The following OTOGL variants were observed in gnomAD, a reference collection of about 807,000 sequenced individuals.
The protein encoded by OTOGL is otogelin-like protein.
OTOGL carries 285 observed loss-of-function variants against 318.5 expected under a neutral mutation model. The observed-to-expected ratio is 0.89, with a 90% confidence interval of 0.81 to 0.99. OTOGL has a LOEUF of 0.99. OTOGL is among the 50% of genes least tolerant of loss of function. The probability of loss-of-function intolerance (pLI) is 0.00; values close to 1 mark genes in which losing one functional copy is unlikely to be tolerated. For missense variants in OTOGL, 2,899 were observed against 2,845.6 expected (o/e 1.02, Z -0.43); for synonymous variants, 987 against 936.5 (o/e 1.05, Z -0.99).
At chr12:80,207,480 C>A (rs1876899701) in intron 1 of OTOGL, among the ~76,000 whole-genome samples, 1 of 152,140 alleles carries the variant, frequency 6.6e-6, no homozygotes, top group South Asian at 2.1e-4. Flanking sequence ...GCTGGGATTA[C>A]AGGCCTGAGC....
At chr12:80,274,735 G>A (rs1405607238) in intron 24 of OTOGL, among the ~76,000 whole-genome samples, 2 of 151,960 alleles carry the variant, frequency 1.3e-5, no homozygotes, top group Admixed American at 6.6e-5. Flanking sequence ...TCTCTTGTTA[G>A]GGGCTAAGGC....
At chr12:80,305,114 C>A (rs1275194973) in intron 28 of OTOGL, among the ~76,000 whole-genome samples, 2 of 152,034 alleles carry the variant, frequency 1.3e-5, no homozygotes, top group Admixed American at 6.5e-5. Flanking sequence ...TATATTCCAA[C>A]AAGTAGGGAA....
At chr12:80,213,402 T>A (rs779771597) in intron 4 of OTOGL, among the ~76,000 whole-genome samples, 7 of 152,202 alleles carry the variant, frequency 4.6e-5, no homozygotes, top group Non-Finnish European at 8.8e-5. Context: ...CTTTATGACC[T>A]GTATCTTGTG....
intron 27 of OTOGL, 42 bp from the exon 28 acceptor site, chr12:80,302,592 A>T: frequency 1.6e-6 from 2 of 1,214,088 alleles, no homozygotes; most frequent in East Asian, 3.0e-5. Flanking sequence ...TTGGTTAGAG[A>T]ACTTACTACT....
chr12:80,196,098 G>A (rs930060706), intron 1 of OTOGL, among the ~76,000 whole-genome samples: 1 of 152,162 alleles, frequency 6.6e-6, no homozygotes, highest in African/African-American at 2.4e-5. Context: ...ATAAGTGAGT[G>A]GGGTCTGGAG....
chr12:80,254,553 C>T lies in OTOGL; in HGVS notation c.1424C>T (p.Thr475Ile). Residue 475 changes from threonine to isoleucine, a missense_variant, in exon 15 of 59, where the codon ACT becomes ATT. Thr to Ile is a moderately conservative substitution (Grantham distance 89). Transcript: ENST00000547103. The stretch of plus-strand genomic sequence containing the variant: ...TGTGTTGGTGGAGTTTGGAACTGCA[C>T]TGAGCAAGACTGTCCAGGTAATTTT... ...CVCVGGVWNCTEQDCPVQCSV... is the reference protein window; with the variant it reads ...CVCVGGVWNCIEQDCPVQCSV... The T allele has an allele frequency of 6.2e-7, 1 of 1,607,076 alleles. No individual in the cohort carries two copies. Among genetic ancestry groups the T allele is most frequent in the Non-Finnish European group, 8.5e-7 (1 of 1,175,296 alleles).
intron 1 of OTOGL, among the ~76,000 whole-genome samples, chr12:80,124,171 G>A (rs1172098241): frequency 1.3e-5 from 2 of 152,148 alleles, no homozygotes; most frequent in Non-Finnish European, 2.9e-5. Context: ...ATGGTTTTAT[G>A]TCTAACATTT....
At chr12:80,317,546 A>T (rs536111144) in intron 32 of OTOGL, among the ~76,000 whole-genome samples, 1 of 152,256 alleles carries the variant, frequency 6.6e-6, no homozygotes, top group Non-Finnish European at 1.5e-5. Flanking sequence ...CTCAAGTTGT[A>T]GTTGCATACA....
intron 38 of OTOGL, among the ~76,000 whole-genome samples, chr12:80,335,289 C>G (rs1246614974): frequency 2.0e-5 from 3 of 151,920 alleles, no homozygotes; most frequent in Non-Finnish European, 4.4e-5. Context: ...ACACTGTTTA[C>G]TTATCTATAA....
chr12:80,276,344 T>C (rs147553287), intron 24 of OTOGL, among the ~76,000 whole-genome samples: 77 of 151,882 alleles, frequency 5.1e-4, no homozygotes, highest in African/African-American at 1.7e-3. Context: ...TAAGATCAGT[T>C]AGGGGCATAG....
rs541313607 is a variant in OTOGL at position 80,308,439 on chromosome 12, C to A, written c.3334-2172C>A. Among the ~76,000 whole-genome samples, 4 of 152,020 alleles carry A rather than the reference C, an allele frequency of 2.6e-5. No homozygotes were observed. The East Asian group carries it at 7.8e-4, about 30-fold the overall frequency. On this transcript the variant is annotated intron_variant, in intron 29 of 58. Coordinates refer to ENST00000547103, the MANE Select transcript of OTOGL (RefSeq NM_001378609.3). ...CCGGGCAGAGATGCTCCTCACTTCC[C>A]AGATGTGATGGCGGCCGGGAAGAGA...
intron 1 of OTOGL, among the ~76,000 whole-genome samples, chr12:80,110,921 G>A (rs927249845): frequency 6.6e-6 from 1 of 152,026 alleles, no homozygotes; most frequent in Non-Finnish European, 1.5e-5. Flanking sequence ...TCTGTTTCCA[G>A]GCTTTTTAAT....
At chr12:80,207,188 T>G (rs1876871546) in intron 1 of OTOGL, among the ~76,000 whole-genome samples, 1 of 152,146 alleles carries the variant, frequency 6.6e-6, no homozygotes. Context: ...TTTTTCCATA[T>G]GGCTGTTATT....
At chr12:80,253,705 A>G (rs1436882133) in intron 14 of OTOGL, 131 bp downstream of exon 14, 1 of 669,408 alleles carries the variant, frequency 1.5e-6, no homozygotes, top group Admixed American at 2.8e-5. Context: ...CTTGCATTTT[A>G]TTTAAACTCC....
At chr12:80,347,737 C>G (rs957444259) in intron 44 of OTOGL, among the ~76,000 whole-genome samples, 1 of 152,192 alleles carries the variant, frequency 6.6e-6, no homozygotes, top group East Asian at 1.9e-4. Context: ...ACACTCCCAC[C>G]GACAGTGTAA....
At chr12:80,188,406 C>T (rs1875447550) in intron 1 of OTOGL, among the ~76,000 whole-genome samples, 1 of 151,740 alleles carries the variant, frequency 6.6e-6, no homozygotes, top group African/African-American at 2.4e-5. Context: ...GGTGTGGTGG[C>T]ATGCGCCTGT....
chr12:80,130,290 G>T (rs1195839328), intron 1 of OTOGL, among the ~76,000 whole-genome samples: 1 of 152,166 alleles, frequency 6.6e-6, no homozygotes, highest in Non-Finnish European at 1.5e-5. Context: ...CAGACAAATT[G>T]TTCCAGCAAA....
chr12:80,131,731 A>G (rs1871253387), intron 1 of OTOGL: 1 of 152,224 alleles, frequency 6.6e-6, no homozygotes, highest in South Asian at 2.1e-4. Context: ...TGATTTAGAT[A>G]CATTAGTTCA....
At chr12:80,227,191 A>G (rs939560482) in intron 7 of OTOGL, among the ~76,000 whole-genome samples, 8 of 152,106 alleles carry the variant, frequency 5.3e-5, no homozygotes, top group African/African-American at 1.7e-4. Flanking sequence ...TTTCTGTCCA[A>G]TTCTGAGATG....
Sources: allele counts gnomAD v4.1 joint callset (sites outside exome capture counted in the v4.1 genomes callset), GRCh38; gene constraint gnomAD v4.1.1; transcripts MANE v1.5; gene names NCBI Gene and HGNC (gene_info 2026-07-23, HGNC 2026-07-21).